Variants in RAB4A observed in about 807,000 individuals in gnomAD.
RAB4A encodes the protein ras-related protein Rab-4A.
A neutral mutation model predicts 34.5 loss-of-function variants in RAB4A; 20 were observed. The ratio of observed to expected loss-of-function variants is 0.58; its 90% confidence interval spans 0.41 to 0.84. The LOEUF (loss-of-function observed/expected upper bound fraction) is 0.84. Among genes scored for constraint, RAB4A ranks in the 40% least tolerant of loss-of-function variants. The pLI is 0.00. For missense variants in RAB4A, 228 were observed against 274.5 expected (o/e 0.83, Z 1.20); for synonymous variants, 102 against 100.0 (o/e 1.02, Z -0.12).
At position 229,305,509 on chromosome 1, in the gene RAB4A, G is replaced by A; in HGVS notation, c.*1716G>A. 2.4e-6 allele frequency: 1 copy of A among 411,204 alleles called. No homozygotes were observed. The highest frequency in any genetic ancestry group is 4.1e-5 in the East Asian group (1 of 24,154). 25.5% of individuals were successfully genotyped at this position (411,204 alleles called of 1,614,324 possible). A position where few individuals can be genotyped will look rare whatever the true frequency, so the allele number is the denominator to read the frequency against. ...AAAAGTTGCTGGAGAACCAAACCAT[G>A]GTGGTTCTTAATCAGGCTTTGCCTT... On this transcript the variant is annotated 3_prime_UTR_variant, in exon 8 of 8. Transcript: ENST00000366690.
chr1:229,302,286 TA>T lies in RAB4A; in HGVS notation c.542-575del, dbSNP rs56024936. Among the ~76,000 whole-genome samples the T allele has an allele frequency of 7.5e-3, 168 of 22,540 alleles. 8 individuals are homozygous for T. Among genetic ancestry groups the T allele is most frequent in the African/African-American group, 0.021 (107 of 5,074 alleles). The allele number at this position is 22,540 out of a possible 152,430, so 14.8% of individuals were successfully genotyped here. On this transcript the variant is annotated intron_variant, in intron 6 of 7. Transcript: ENST00000366690. Reference sequence around the variant, plus strand: ...ATATATATATATATATATATATATATATATATATATATATATATATATATTT... The same window carrying T: ...ATATATATATATATATATATATATATTATATATATATATATATATATATTT...
intron 5 of RAB4A, 72 bp from the exon 6 acceptor site, chr1:229,298,905 C>A: frequency 1.8e-6 from 2 of 1,099,078 alleles, no homozygotes; most frequent in Non-Finnish European, 2.7e-6. Context: ...GAGAATGCTA[C>A]ACAGGCTTTT....
At chr1:229,303,674 C>T (rs1425505263) in intron 7 of RAB4A, 132 bp from the exon 8 acceptor site, 1 of 152,076 alleles carries the variant, frequency 6.6e-6, no homozygotes, top group Admixed American at 6.5e-5. Flanking sequence ...TATTTATAGT[C>T]GACATCATGT....
At chr1:229,297,173 T>C (rs1466455199) in intron 4 of RAB4A, among the ~76,000 whole-genome samples, 2 of 152,260 alleles carry the variant, frequency 1.3e-5, no homozygotes, top group African/African-American at 4.8e-5. Context: ...TCTAGTGCCT[T>C]GCGCATGCTA....
intron 1 of RAB4A, among the ~76,000 whole-genome samples, chr1:229,274,052 T>C (rs1233742832): frequency 7.7e-6 from 1 of 129,634 alleles, no homozygotes; most frequent in Non-Finnish European, 1.6e-5. Flanking sequence ...TGTTTCCCTT[T>C]TTTTTTTTTT....
chr1:229,293,537 AT>A (rs1002481586), intron 3 of RAB4A, among the ~76,000 whole-genome samples: 1 of 152,222 alleles, frequency 6.6e-6, no homozygotes, highest in Admixed American at 6.5e-5. Context: ...CCAAATATAT[AT>A]TTTTTAATTT....
rs185582679 is a variant in RAB4A, at chr1:229,292,405, G to T, written c.228-3443G>T. ...ATACAGCTTATCTTGAAGAGAACTC[G>T]TAGTTCCCTCTTCCTCTAGAAGCTA... is the stretch of plus-strand genomic sequence containing the variant. On this transcript the variant is annotated intron_variant, in intron 3 of 7. Coordinates refer to ENST00000366690, the MANE Select transcript of RAB4A (RefSeq NM_004578.4). 3.9e-4 allele frequency among the ~76,000 whole-genome samples: 59 copies of T among 152,268 alleles called. 1 individual carries two copies. Among genetic ancestry groups the T allele is most frequent in the East Asian group, 3.9e-3 (20 of 5,184 alleles).
intron 3 of RAB4A, among the ~76,000 whole-genome samples, chr1:229,294,139 C>A (rs904287972): frequency 6.6e-6 from 1 of 152,120 alleles, no homozygotes. Context: ...TAGGCCAGGA[C>A]GGGCCTGGAG....
At chr1:229,289,204 G>T (rs557434780) in intron 3 of RAB4A, 1 of 184,848 alleles carries the variant, frequency 5.4e-6, no homozygotes, top group Admixed American at 6.3e-5. Flanking sequence ...TTAAAACCTT[G>T]TGAGGGTTTG....
chr1:229,305,232 C>G lies in RAB4A; in HGVS notation c.*1439C>G. ...ATTTTATTTCAAAAAGTATCTGAAG[C>G]AAATTCTCAGACTGAACTACTTCTT... On this transcript the variant is annotated 3_prime_UTR_variant, in exon 8 of 8. Transcript: ENST00000366690. The G allele has an allele frequency of 6.2e-7, 1 of 1,608,312 alleles. No individual in the cohort carries two copies. The highest frequency in any genetic ancestry group is 8.5e-7 in the Non-Finnish European group (1 of 1,177,438).
intron 1 of RAB4A, among the ~76,000 whole-genome samples, chr1:229,281,643 G>A (rs140206896): frequency 6.6e-6 from 1 of 151,630 alleles, no homozygotes; most frequent in Non-Finnish European, 1.5e-5. Flanking sequence ...TATTGATATT[G>A]TATGACTCAG....
chr1:229,288,314 C>T (rs1369867348), intron 2 of RAB4A, among the ~76,000 whole-genome samples: 2 of 152,090 alleles, frequency 1.3e-5, no homozygotes, highest in South Asian at 2.1e-4. Flanking sequence ...CATTCAAATA[C>T]AGTAGTTGAA....
intron 5 of RAB4A, 74 bp from the exon 6 acceptor site, chr1:229,298,903 T>C (rs1401758181): frequency 1.9e-6 from 2 of 1,062,862 alleles, no homozygotes; most frequent in Non-Finnish European, 2.9e-6. Flanking sequence ...AAGAGAATGC[T>C]ACACAGGCTT....
At chr1:229,296,974 A>G (rs1657266791) in intron 4 of RAB4A, among the ~76,000 whole-genome samples, 1 of 152,226 alleles carries the variant, frequency 6.6e-6, no homozygotes, top group Non-Finnish European at 1.5e-5. Context: ...TGGCTGCTGT[A>G]TGACCTAGGG....
chr1:229,272,731 G>A (rs1449737539), intron 1 of RAB4A, among the ~76,000 whole-genome samples: 1 of 152,160 alleles, frequency 6.6e-6, no homozygotes, highest in Non-Finnish European at 1.5e-5. Flanking sequence ...TGAGGAAGGC[G>A]TCAGTTTGTC....
At chr1:229,299,840 A>C (rs1277508965) in intron 6 of RAB4A, among the ~76,000 whole-genome samples, 1 of 152,166 alleles carries the variant, frequency 6.6e-6, no homozygotes, top group Non-Finnish European at 1.5e-5. Context: ...TGAGAGATGC[A>C]CAGGCTCAGG....
intron 6 of RAB4A, among the ~76,000 whole-genome samples, chr1:229,301,536 G>A (rs563834163): frequency 6.6e-6 from 1 of 152,226 alleles, no homozygotes; most frequent in East Asian, 1.9e-4. Context: ...GCATGAGGTT[G>A]TATTTACATG....
At chr1:229,277,916 G>A (rs1656690938) in intron 1 of RAB4A, among the ~76,000 whole-genome samples, 1 of 151,334 alleles carries the variant, frequency 6.6e-6, no homozygotes, top group South Asian at 2.1e-4. Flanking sequence ...CCAGTCTGGA[G>A]TGCAGTGGCA....
chr1:229,305,860 T>G lies in RAB4A; in HGVS notation c.*2067T>G, dbSNP rs1657535541. The G allele has an allele frequency of 6.6e-6, 1 of 152,226 alleles. No homozygotes were observed. The highest frequency in any genetic ancestry group is 2.4e-5 in the African/African-American group (1 of 41,470). The allele number at this position is 152,226 out of a possible 1,614,324, so 9.4% of individuals were successfully genotyped here. On this transcript the variant is annotated 3_prime_UTR_variant, in exon 8 of 8. Transcript: ENST00000366690. The stretch of plus-strand genomic sequence containing the variant: ...GATTCTTAGCAGATCAATAATAGTA[T>G]TTAAAGAATCTGATGCTAAAATTAG...
Sources: allele counts gnomAD v4.1 joint callset (sites outside exome capture counted in the v4.1 genomes callset), GRCh38; gene constraint gnomAD v4.1.1; transcripts MANE v1.5; gene names NCBI Gene and HGNC (gene_info 2026-07-23, HGNC 2026-07-21).